Variants in NPAS3 observed in about 807,000 individuals in gnomAD.
NPAS3 encodes the protein neuronal PAS domain-containing protein 3.
A neutral mutation model predicts 73.1 loss-of-function variants in NPAS3; 14 were observed. The ratio of observed to expected loss-of-function variants is 0.19; its 90% CI spans 0.13 to 0.30. The LOEUF is 0.30. Ranked by LOEUF, NPAS3 falls within the 10% of genes least tolerant of loss-of-function variation. NPAS3 has a pLI of 1.00. For missense variants in NPAS3, 1,096 were observed against 1,250.0 expected, an observed-to-expected ratio of 0.88 and a Z score of 1.86; for synonymous variants, 620 against 541.5, an observed-to-expected ratio of 1.14 and a Z score of -2.01.
At chr14:33,622,417 A>T (rs983589692) in intron 5 of NPAS3, among the ~76,000 whole-genome samples, 6 of 152,210 alleles carry the variant, frequency 3.9e-5, no homozygotes, top group African/African-American at 1.4e-4. Flanking sequence ...TTGATAATTC[A>T]GGCAACCATA....
intron 2 of NPAS3, among the ~76,000 whole-genome samples, chr14:33,089,667 G>A (rs1450226267): frequency 3.3e-5 from 5 of 152,030 alleles, no homozygotes; most frequent in Non-Finnish European, 5.9e-5. Flanking sequence ...GATACTCCTC[G>A]AGAAGAGCAA....
rs548221676 is a variant in NPAS3, at chr14:33,360,888, G to A, written c.386-6298G>A. Among the ~76,000 whole-genome samples, 20 of 152,200 alleles carry A rather than the reference G, an allele frequency of 1.3e-4. 1 individual carries two copies. The South Asian group carries it at 3.9e-3, about 30-fold the overall frequency. ...TGGATCACGCCTGCATTTTCCTGAG[G>A]TTCTGTCCTCCGAGACGTTGACTGT... On this transcript the variant is annotated intron_variant, in intron 3 of 11. Coordinates refer to ENST00000356141, the Ensembl canonical transcript of NPAS3.
chr14:33,644,435 T>C (rs905296813), intron 5 of NPAS3, among the ~76,000 whole-genome samples: 2 of 152,228 alleles, frequency 1.3e-5, no homozygotes, highest in African/African-American at 4.8e-5. Context: ...CCTTTCTCAT[T>C]TGGCCAGCCA....
At chr14:33,327,829 T>C (rs1300729356) in intron 3 of NPAS3, among the ~76,000 whole-genome samples, 1 of 152,136 alleles carries the variant, frequency 6.6e-6, no homozygotes, top group Admixed American at 6.5e-5. Flanking sequence ...TGAAGAGGAA[T>C]AGTGAGAAAT....
At chr14:33,168,619 T>A (rs796266657) in intron 2 of NPAS3, among the ~76,000 whole-genome samples, 3 of 152,306 alleles carry the variant, frequency 2.0e-5, no homozygotes, top group African/African-American at 7.2e-5. Context: ...CTGTAGTTGG[T>A]GTAGAGTTCC....
intron 1 of NPAS3, among the ~76,000 whole-genome samples, chr14:33,027,845 A>G (rs2039860364): frequency 6.6e-6 from 1 of 152,196 alleles, no homozygotes; most frequent in African/African-American, 2.4e-5. Context: ...AATAGGCTGG[A>G]TATCATGGAA....
At chr14:32,973,618 C>T (rs1040272428) in intron 1 of NPAS3, among the ~76,000 whole-genome samples, 3 of 151,070 alleles carry the variant, frequency 2.0e-5, no homozygotes, top group African/African-American at 7.3e-5. Context: ...TCACTGCAAC[C>T]TCCCCTTCCC....
chr14:32,972,273 T>C (rs2037466817), intron 1 of NPAS3, among the ~76,000 whole-genome samples: 1 of 152,112 alleles, frequency 6.6e-6, no homozygotes, highest in African/African-American at 2.4e-5. Context: ...AGTTATCCTG[T>C]GTAGTAAAAC....
intron 2 of NPAS3, among the ~76,000 whole-genome samples, chr14:33,100,289 A>G (rs901865397): frequency 6.6e-6 from 1 of 152,210 alleles, no homozygotes; most frequent in Non-Finnish European, 1.5e-5. Context: ...TGGGATAGAA[A>G]GAGTTCTTCT....
At chr14:33,276,982 C>A (rs1310300468) in intron 3 of NPAS3, among the ~76,000 whole-genome samples, 3 of 152,044 alleles carry the variant, frequency 2.0e-5, no homozygotes, top group Admixed American at 1.3e-4. Context: ...AAAGCCATAC[C>A]TCCACCAGAG....
chr14:33,552,083 C>T (rs1273719794), intron 4 of NPAS3, among the ~76,000 whole-genome samples: 1 of 152,216 alleles, frequency 6.6e-6, no homozygotes, highest in Non-Finnish European at 1.5e-5. Context: ...TCTCACTCCC[C>T]TTTGTGAACC....
At chr14:33,469,352 A>C (rs1374300441) in intron 4 of NPAS3, among the ~76,000 whole-genome samples, 1 of 152,006 alleles carries the variant, frequency 6.6e-6, no homozygotes, top group African/African-American at 2.4e-5. Context: ...TGCTAGTCAT[A>C]GAGTGGTTTA....
chr14:33,518,279 G>C (rs1164886056), intron 4 of NPAS3, among the ~76,000 whole-genome samples: 1 of 151,976 alleles, frequency 6.6e-6, no homozygotes, highest in Non-Finnish European at 1.5e-5. Flanking sequence ...AGCTAGAGGA[G>C]AGGTAACTCA....
Position 33,238,780 on chromosome 14 carries a change from C to T in NPAS3, c.385+23354C>T, listed in dbSNP as rs534699938. Among the ~76,000 whole-genome samples, 34 of 151,950 alleles carry T rather than the reference C, an allele frequency of 2.2e-4. 1 individual carries two copies. The South Asian group carries it at 2.9e-3, about 13-fold the overall frequency. The stretch of plus-strand genomic sequence containing the variant: ...GTGAATTTAGTAATTAGTTCTTTTA[C>T]CAAGGCAAATGGTCTAATAATGGAG... On this transcript the variant is annotated intron_variant, in intron 3 of 11. Coordinates refer to ENST00000356141, the Ensembl canonical transcript of NPAS3.
At chr14:33,739,262 T>C (rs112209854) in intron 7 of NPAS3, among the ~76,000 whole-genome samples, 3,364 of 152,286 alleles carry the variant, frequency 0.022, 41 homozygotes, top group Middle Eastern at 0.044. Context: ...GAACTCAAGA[T>C]TCTTCAAAAT....
chr14:33,077,864 A>T (rs1202184893), intron 2 of NPAS3, among the ~76,000 whole-genome samples: 1 of 144,386 alleles, frequency 6.9e-6, no homozygotes, highest in Non-Finnish European at 1.5e-5. Flanking sequence ...AAATACATAT[A>T]TGACCGGGTG....
At chr14:33,242,434 A>G (rs1362396268) in intron 3 of NPAS3, among the ~76,000 whole-genome samples, 7 of 151,992 alleles carry the variant, frequency 4.6e-5, no homozygotes, top group Non-Finnish European at 1.5e-5. Flanking sequence ...TAAAATTTCT[A>G]ATGACAGTCT....
rs762561419 is a variant in NPAS3, at chr14:33,774,536, T to G, written c.1046+6T>G. On this transcript the variant is annotated splice_donor_region_variant and intron_variant, in intron 8 of 11. Coordinates refer to ENST00000356141, the Ensembl canonical transcript of NPAS3. ...ATCATTTACTGTGAAAATAGGTACT[T>G]TGTTTTTGTTTTCATTTGCCCTGTT... 1.2e-6 allele frequency: 2 copies of G among 1,610,662 alleles called. No homozygotes were observed. Among genetic ancestry groups the G allele is most frequent in the South Asian group, 2.2e-5 (2 of 90,906 alleles).
At chr14:33,177,279 G>A (rs574946777) in intron 2 of NPAS3, among the ~76,000 whole-genome samples, 1 of 151,752 alleles carries the variant, frequency 6.6e-6, no homozygotes, top group South Asian at 2.1e-4. Flanking sequence ...TGTATTTTTA[G>A]TAGAGACAGG....
Sources: gnomAD v4.1 joint callset for allele counts (sites outside exome capture counted in the v4.1 genomes callset) on GRCh38, gnomAD v4.1.1 for gene constraint, MANE v1.5 for transcripts, NCBI Gene and HGNC (gene_info 2026-07-23, HGNC 2026-07-21) for gene names.